CIP2A: variants seen among roughly 807,000 people sequenced by gnomAD.
CIP2A encodes the protein protein CIP2A.
CIP2A carries 103 observed loss-of-function variants against 110.9 expected under a neutral mutation model. The ratio of observed to expected loss-of-function variants is 0.93; its 90% CI spans 0.79 to 1.09. The LOEUF (loss-of-function observed/expected upper bound fraction) is 1.09, where lower values mean the gene tolerates loss of function less well. Ranked by LOEUF, CIP2A falls within the 50% of genes least tolerant of loss-of-function variation. CIP2A has a pLI of 0.00. For missense variants in CIP2A, 1,088 were observed against 1,038.4 expected, an observed-to-expected ratio of 1.05 and a Z score of -0.66; for synonymous variants, 381 against 361.6, an observed-to-expected ratio of 1.05 and a Z score of -0.61.
rs112157054 is a variant in CIP2A, at chr3:108,563,262, CA to C, written c.1516-19del. The C allele has an allele frequency of 7.1e-7, 1 of 1,415,836 alleles. No homozygotes were observed. The highest frequency in any genetic ancestry group is 1.0e-6 in the Non-Finnish European group (1 of 1,004,348). 87.7% of individuals were successfully genotyped at this position (1,415,836 alleles called of 1,614,324 possible). A position where few individuals can be genotyped will look rare whatever the true frequency, so the allele number is the denominator to read the frequency against. On this transcript the variant is annotated intron_variant, in intron 12 of 20. Coordinates refer to ENST00000295746, the MANE Select transcript of CIP2A (RefSeq NM_020890.3). Reference sequence around the variant, plus strand: ...CGTGGGTCCTAAATAAATCAGAAACCAAAAAAGAAGCAGCAGAAAGAATAAA... The same window carrying C: ...CGTGGGTCCTAAATAAATCAGAAACCAAAAAGAAGCAGCAGAAAGAATAAA...
Position 108,551,297 on chromosome 3 carries a change from T to G in CIP2A, c.2570A>C (p.Lys857Thr). 3 of 1,610,808 alleles carry G rather than the reference T, an allele frequency of 1.9e-6. No homozygotes were observed. The highest frequency in any genetic ancestry group is 2.5e-6 in the Non-Finnish European group (3 of 1,178,024). Reference sequence around the variant, plus strand: ...TTCCAAACGACCTTCTAATTGTGCCTTTTGAACCTCTAGGGAGGAAGCCTA... The same window carrying G: ...TTCCAAACGACCTTCTAATTGTGCCGTTTGAACCTCTAGGGAGGAAGCCTA... ...SIKASSLEVQ[K>T]AQLEGRLEEK... Residue 857 changes from lysine to threonine, a missense_variant, in exon 21 of 21, where the codon AAG (lysine) becomes ACG (threonine). By Grantham distance (78) the Lys-to-Thr change is moderately conservative. Coordinates refer to ENST00000295746, the MANE Select transcript of CIP2A (RefSeq NM_020890.3).
At chr3:108,553,121 GTTTTTTTTTTTT>G (rs768832281) in intron 19 of CIP2A, among the ~76,000 whole-genome samples, 3 of 67,156 alleles carry the variant, frequency 4.5e-5, no homozygotes, top group Admixed American at 2.4e-4. Flanking sequence ...CTTTCCTTTT[GTTTTTTTTTTTT>G]TTTTTTTTTT....
chr3:108,579,318 G>T lies in CIP2A; in HGVS notation c.781C>A (p.Leu261Ile). ...RKYSVDLLMD[L>I]LKNPKIADYL... ...TCAGCAATTTTAGGATTCTTAAGGAGATCCATCAGTAGGTCAACTGAATAC... is the reference window on the plus strand; with the variant it reads ...TCAGCAATTTTAGGATTCTTAAGGATATCCATCAGTAGGTCAACTGAATAC... The change falls in exon 7 of 21, where the codon CTC becomes ATC. Residue 261 changes from leucine to isoleucine, a missense_variant. Leu to Ile is a conservative substitution (Grantham distance 5). Coordinates refer to ENST00000295746, the MANE Select transcript of CIP2A (RefSeq NM_020890.3). 6.2e-7 allele frequency: 1 copy of T among 1,609,706 alleles called. No homozygotes were observed. The highest frequency in any genetic ancestry group is 8.5e-7 in the Non-Finnish European group (1 of 1,176,456).
At chr3:108,577,364 AAG>A (rs1389488346) in intron 7 of CIP2A, among the ~76,000 whole-genome samples, 1 of 152,176 alleles carries the variant, frequency 6.6e-6, no homozygotes, top group Non-Finnish European at 1.5e-5. Context: ...GGAGGCCCCG[AAG>A]AGAGAGGAGC....
chr3:108,565,466 A>C lies in CIP2A; in HGVS notation c.1416-12T>G. 1 of 1,450,066 alleles carries C rather than the reference A, an allele frequency of 6.9e-7. No individual in the cohort carries two copies. The highest frequency in any genetic ancestry group is 9.5e-7 in the Non-Finnish European group (1 of 1,047,708). The allele number at this position is 1,450,066 out of a possible 1,614,324, so 89.8% of individuals were successfully genotyped here. On this transcript the variant is annotated splice_polypyrimidine_tract_variant and intron_variant, in intron 11 of 20. Coordinates refer to ENST00000295746, the MANE Select transcript of CIP2A (RefSeq NM_020890.3). ...CAGCAGCAAGTTTGCTTTAAAGATA[A>C]ATCACATTTAAATTAGATAACTGAA...
At chr3:108,582,415 G>A (rs1428417492) in intron 3 of CIP2A, among the ~76,000 whole-genome samples, 1 of 152,150 alleles carries the variant, frequency 6.6e-6, no homozygotes, top group Non-Finnish European at 1.5e-5. Flanking sequence ...TATCAACCTT[G>A]TTCACTTAGT....
intron 13 of CIP2A, 70 bp downstream of exon 13, chr3:108,563,056 T>G: frequency 1.1e-6 from 1 of 933,810 alleles, no homozygotes; most frequent in Non-Finnish European, 1.8e-6. Flanking sequence ...GTATCTATAC[T>G]GAGGACTAAA....
intron 8 of CIP2A, among the ~76,000 whole-genome samples, chr3:108,570,580 T>C (rs1229193959): frequency 6.6e-6 from 1 of 152,128 alleles, no homozygotes; most frequent in Non-Finnish European, 1.5e-5. Flanking sequence ...TAGGCAACTA[T>C]AACACAATTG....
chr3:108,551,102 T>TA lies in CIP2A; in HGVS notation c.*46dup, dbSNP rs750968571. 1.0e-5 allele frequency: 3 copies of TA among 298,232 alleles called. No individual in the cohort carries two copies. The highest frequency in any genetic ancestry group is 1.9e-5 in the Non-Finnish European group (3 of 159,702). The allele number at this position is 298,232 out of a possible 1,614,324, so 18.5% of individuals were successfully genotyped here. ...ACCCACCCCCCCTCCAATAGATAAA[T>TA]ACATCAAAAATATCATGAGATTACA... is the stretch of plus-strand genomic sequence containing the variant. On this transcript the variant is annotated 3_prime_UTR_variant, in exon 21 of 21. Transcript: ENST00000295746.
intron 5 of CIP2A, among the ~76,000 whole-genome samples, chr3:108,581,064 A>T (rs183579684): frequency 1.2e-4 from 18 of 152,368 alleles, no homozygotes; most frequent in Non-Finnish European, 1.5e-4. Context: ...GAAACACAAG[A>T]CTGAGATAAA....
rs1400395022 is a variant in CIP2A, at chr3:108,553,894, TATAAAAAAAAAAAAAAA to T, written c.2325-181_2325-165del. Among the ~76,000 whole-genome samples, 73 of 49,740 alleles carry T rather than the reference TATAAAAAAAAAAAAAAA, an allele frequency of 1.5e-3. 2 individuals carry two copies. Among genetic ancestry groups the T allele is most frequent in the African/African-American group, 4.2e-3 (62 of 14,792 alleles). The allele number at this position is 49,740 out of a possible 152,430, so 32.6% of individuals were successfully genotyped here. A position where few individuals can be genotyped will look rare whatever the true frequency, so the allele number is the denominator to read the frequency against. On this transcript the variant is annotated intron_variant, in intron 18 of 20. Coordinates refer to ENST00000295746, the MANE Select transcript of CIP2A (RefSeq NM_020890.3). ...GGTGAAACCCCGTCTCTACTAAAAA[TATAAAAAAAAAAAAAAA>T]AAAAAAAAGGTCTCGTTCTGTCACC... is the stretch of plus-strand genomic sequence containing the variant.
intron 8 of CIP2A, among the ~76,000 whole-genome samples, chr3:108,575,724 A>G (rs377436999): frequency 2.6e-4 from 9 of 34,188 alleles, no homozygotes; most frequent in African/African-American, 6.1e-4. Flanking sequence ...ATACATGTGT[A>G]TATATACGTG....
Position 108,582,102 on chromosome 3 carries a change from A to AG in CIP2A, c.452+5_452+6insC, listed in dbSNP as rs747514637. 14 of 1,300,556 alleles carry AG rather than the reference A, an allele frequency of 1.1e-5. No individual in the cohort carries two copies. In the South Asian group the frequency reaches 1.9e-4, roughly 18 times the overall value. 80.6% of individuals were successfully genotyped at this position (1,300,556 alleles called of 1,614,324 possible). A position where few individuals can be genotyped will look rare whatever the true frequency, so the allele number is the denominator to read the frequency against. On this transcript the variant is annotated splice_donor_region_variant and intron_variant, in intron 4 of 20. Transcript: ENST00000295746. ...TATTTGGTTTTATGTTTGATTGCAT[A>AG]CTCACATGTGATCTATCAGGAACGT...
At chr3:108,552,077 T>C (rs977632188) in intron 20 of CIP2A, among the ~76,000 whole-genome samples, 157 bp downstream of exon 20, 2 of 152,180 alleles carry the variant, frequency 1.3e-5, no homozygotes, top group Non-Finnish European at 2.9e-5. Flanking sequence ...AAATACATTA[T>C]GAAAACCTCA....
chr3:108,571,877 A>G (rs143533497), intron 8 of CIP2A, among the ~76,000 whole-genome samples: 67 of 152,226 alleles, frequency 4.4e-4, no homozygotes, highest in Admixed American at 1.8e-3. Flanking sequence ...GAGTTAAAGT[A>G]TGTTTGCTAT....
intron 8 of CIP2A, among the ~76,000 whole-genome samples, chr3:108,572,038 CTG>C (rs1559697062): frequency 1.3e-5 from 2 of 150,288 alleles, no homozygotes; most frequent in African/African-American, 2.4e-5. Flanking sequence ...CTGTTCGGCT[CTG>C]TGTTTTTTCG....
intron 7 of CIP2A, among the ~76,000 whole-genome samples, chr3:108,577,413 G>C (rs1938696448): frequency 6.6e-6 from 1 of 152,146 alleles, no homozygotes; most frequent in African/African-American, 2.4e-5. Context: ...GCAATACATA[G>C]AGTAATGGTA....
intron 17 of CIP2A, among the ~76,000 whole-genome samples, chr3:108,556,553 T>C (rs907939243): frequency 2.0e-5 from 3 of 152,194 alleles, no homozygotes; most frequent in Admixed American, 6.5e-5. Flanking sequence ...TTTTGAGTGC[T>C]ACCATTGTGT....
intron 5 of CIP2A, among the ~76,000 whole-genome samples, chr3:108,581,146 A>G (rs930016248): frequency 2.6e-5 from 4 of 152,226 alleles, no homozygotes; most frequent in African/African-American, 9.6e-5. Context: ...TACTCAATGT[A>G]ATAAATAATG....
Sources: gnomAD v4.1 joint callset for allele counts (sites outside exome capture counted in the v4.1 genomes callset) on GRCh38, gnomAD v4.1.1 for gene constraint, MANE v1.5 for transcripts, NCBI Gene and HGNC (gene_info 2026-07-23, HGNC 2026-07-21) for gene names.